Variants in AGBL1 observed in about 807,000 individuals in gnomAD.
The protein encoded by AGBL1 is cytosolic carboxypeptidase 4.
Under a neutral mutation model 118.9 loss-of-function variants are expected in AGBL1, and 130 were observed. That is an observed-to-expected ratio of 1.09 (90% CI 0.95 to 1.26). AGBL1 has a LOEUF of 1.26. AGBL1 is among the 50% of genes most tolerant of loss of function. The pLI is 0.00. For synonymous variants in AGBL1, 555 were observed against 478.9 expected, an observed-to-expected ratio of 1.16 and a Z score of -2.08; for missense variants, 1,584 against 1,298.1, an observed-to-expected ratio of 1.22 and a Z score of -3.38.
Position 86,304,431 on chromosome 15 carries a change from G to A in AGBL1, c.2374+9023G>A, listed in dbSNP as rs375615088. Among the ~76,000 whole-genome samples, 202 of 152,246 alleles carry A rather than the reference G, an allele frequency of 1.3e-3. 1 individual carries two copies. Among genetic ancestry groups the A allele is most frequent in the African/African-American group, 4.7e-3 (194 of 41,552 alleles). ...ATATCTAATGTTGTTCCCCTACTCC[G>A]AATCTCTTTATCACATGACCTTGCT... On this transcript the variant is annotated intron_variant, in intron 17 of 22. Transcript: ENST00000614907.
chr15:86,141,176 T>C (rs2141643171), intron 1 of AGBL1, among the ~76,000 whole-genome samples: 1 of 152,318 alleles, frequency 6.6e-6, no homozygotes, highest in African/African-American at 2.4e-5. Flanking sequence ...GAATTCAGGG[T>C]TCTCTTCTGT....
At chr15:86,775,354 AATTGGG>A (rs1469592739) in intron 22 of AGBL1, among the ~76,000 whole-genome samples, 2 of 152,138 alleles carry the variant, frequency 1.3e-5, no homozygotes, top group Non-Finnish European at 2.9e-5. Flanking sequence ...TGCAAAAGGC[AATTGGG>A]ATCTCCTGGT....
intron 22 of AGBL1, among the ~76,000 whole-genome samples, chr15:86,743,168 TA>T (rs2077703772): frequency 6.6e-6 from 1 of 152,108 alleles, no homozygotes; most frequent in African/African-American, 2.4e-5. Flanking sequence ...AGTATTTTTT[TA>T]AATTATTTAT....
At chr15:86,712,871 C>T (rs1443238653) in intron 22 of AGBL1, among the ~76,000 whole-genome samples, 2 of 152,204 alleles carry the variant, frequency 1.3e-5, no homozygotes, top group Non-Finnish European at 2.9e-5. Context: ...AAGCCTTAAG[C>T]ACCCTCTGGG....
chr15:86,224,290 C>T (rs2078324942), intron 5 of AGBL1, among the ~76,000 whole-genome samples: 1 of 152,036 alleles, frequency 6.6e-6, no homozygotes, highest in Non-Finnish European at 1.5e-5. Context: ...AGATGTGGGT[C>T]AAAAAGTATT....
At chr15:86,927,102 G>T (rs2080549171) in intron 23 of AGBL1, among the ~76,000 whole-genome samples, 1 of 151,658 alleles carries the variant, frequency 6.6e-6, no homozygotes, top group Non-Finnish European at 1.5e-5. Context: ...TCATGCCATT[G>T]CACTCCACCC....
intron 22 of AGBL1, among the ~76,000 whole-genome samples, chr15:86,739,747 C>G (rs2141232549): frequency 6.6e-6 from 1 of 152,150 alleles, no homozygotes; most frequent in South Asian, 2.1e-4. Flanking sequence ...CTTTCAAAAC[C>G]CTAATGCACT....
At position 86,264,677 on chromosome 15, in the gene AGBL1, T is replaced by A. The variant is rs765457924; in HGVS notation, c.1506T>A (p.His502Gln). 2 of 1,614,026 alleles carry A rather than the reference T, an allele frequency of 1.2e-6. No individual in the cohort carries two copies. The highest frequency in any genetic ancestry group is 2.7e-5 in the African/African-American group (2 of 75,050). Residue 502 changes from histidine (H) to glutamine (Q), a missense_variant, in exon 11 of 23, where the codon CAT (histidine) becomes CAA (glutamine). His to Gln is a conservative substitution (Grantham distance 24). Coordinates refer to ENST00000614907, the MANE Select transcript of AGBL1 (RefSeq NM_001386094.1). The part of the protein sequence containing the change: ...VKVIDKLLQT[H>Q]LKRVPFHDPY... ...TAATAGATAAGCTTCTGCAGACACA[T>A]CTGAAGCGTGTCCCTTTCCACGATC...
intron 18 of AGBL1, among the ~76,000 whole-genome samples, chr15:86,428,934 G>T (rs1221475952): frequency 1.3e-5 from 2 of 152,230 alleles, no homozygotes; most frequent in Non-Finnish European, 2.9e-5. Context: ...CTGATTCCAT[G>T]GTGTGTCCCT....
intron 22 of AGBL1, among the ~76,000 whole-genome samples, chr15:86,841,007 G>C (rs28654752): frequency 6.6e-6 from 1 of 152,146 alleles, no homozygotes; most frequent in Non-Finnish European, 1.5e-5. Context: ...GAGACTACAA[G>C]ATTACTTTTT....
intron 1 of AGBL1, among the ~76,000 whole-genome samples, chr15:86,091,844 A>G (rs1218096703): frequency 6.6e-6 from 1 of 152,170 alleles, no homozygotes; most frequent in Non-Finnish European, 1.5e-5. Flanking sequence ...TCCTATGTCC[A>G]TATCCCAACT....
intron 22 of AGBL1, among the ~76,000 whole-genome samples, chr15:86,750,447 T>C (rs2077832744): frequency 6.6e-6 from 1 of 152,024 alleles, no homozygotes. Context: ...TTTTTCTTTT[T>C]AATAGCTGTG....
chr15:86,308,519 A>G (rs1485541588), intron 17 of AGBL1, among the ~76,000 whole-genome samples: 3 of 152,178 alleles, frequency 2.0e-5, no homozygotes, highest in East Asian at 3.9e-4. Flanking sequence ...TAAGCCACCC[A>G]GTCTATAATA....
At chr15:86,715,004 G>A (rs577685877) in intron 22 of AGBL1, among the ~76,000 whole-genome samples, 25 of 152,106 alleles carry the variant, frequency 1.6e-4, no homozygotes, top group Admixed American at 2.6e-4. Context: ...ATGATCTTCC[G>A]TATGACCTTC....
At chr15:86,428,969 G>A (rs974729611) in intron 18 of AGBL1, among the ~76,000 whole-genome samples, 10 of 152,236 alleles carry the variant, frequency 6.6e-5, no homozygotes, top group Non-Finnish European at 1.3e-4. Context: ...TTTGGGACCA[G>A]TGCTACTAAC....
intron 21 of AGBL1, among the ~76,000 whole-genome samples, chr15:86,635,148 A>G (rs928129342): frequency 1.3e-5 from 2 of 151,804 alleles, no homozygotes; most frequent in African/African-American, 4.8e-5. Context: ...CTTCCTTCAT[A>G]TTTTCTTCTT....
intron 21 of AGBL1, among the ~76,000 whole-genome samples, chr15:86,585,227 T>C (rs2084228406): frequency 6.6e-6 from 1 of 152,154 alleles, no homozygotes; most frequent in Admixed American, 6.6e-5. Flanking sequence ...CTGGAAGTTT[T>C]ATTTGTGCAA....
chr15:86,115,316 G>A (rs1897686232), intron 1 of AGBL1, among the ~76,000 whole-genome samples: 1 of 152,080 alleles, frequency 6.6e-6, no homozygotes, highest in South Asian at 2.1e-4. Context: ...AGACCTGCCT[G>A]GTAAAAAGCA....
intron 22 of AGBL1, among the ~76,000 whole-genome samples, chr15:86,738,546 T>C (rs1236634613): frequency 6.6e-6 from 1 of 152,210 alleles, no homozygotes; most frequent in African/African-American, 2.4e-5. Context: ...AATACAGATT[T>C]ACATACAAAG....
Sources: gnomAD v4.1 joint callset for allele counts (sites outside exome capture counted in the v4.1 genomes callset) on GRCh38, gnomAD v4.1.1 for gene constraint, MANE v1.5 for transcripts, NCBI Gene and HGNC (gene_info 2026-07-23, HGNC 2026-07-21) for gene names.